RSPH14: variants seen among roughly 807,000 people sequenced by gnomAD.
RSPH14 encodes the protein radial spoke head 14 homolog, also known as rhabdoid tumor deletion region gene 1.
RSPH14 carries 20 observed loss-of-function variants against 26.7 expected under a neutral mutation model. The ratio of observed to expected loss-of-function variants is 0.75; its 90% confidence interval spans 0.53 to 1.09. RSPH14 has a LOEUF of 1.09. RSPH14 is among the 50% of genes least tolerant of loss of function. The probability of loss-of-function intolerance (pLI) is 0.00; values close to 1 mark genes in which losing one functional copy is unlikely to be tolerated. For missense variants in RSPH14, 449 were observed against 457.2 expected (o/e 0.98, Z 0.16); for synonymous variants, 177 against 189.3 (o/e 0.93, Z 0.53).
intron 4 of RSPH14, among the ~76,000 whole-genome samples, chr22:23,126,886 C>T (rs2070197012): frequency 6.6e-6 from 1 of 152,246 alleles, no homozygotes; most frequent in Admixed American, 6.5e-5. Flanking sequence ...CACGTGGTCA[C>T]CCTGGTGGTG....
chr22:23,074,033 G>A (rs980348252), intron 4 of RSPH14, among the ~76,000 whole-genome samples: 1 of 152,168 alleles, frequency 6.6e-6, no homozygotes, highest in Non-Finnish European at 1.5e-5. Context: ...GACACTCCCT[G>A]GCCCCTGGAG....
intron 3 of RSPH14, among the ~76,000 whole-genome samples, chr22:23,135,589 C>T (rs2070462917): frequency 6.6e-6 from 1 of 151,972 alleles, no homozygotes. Context: ...TGAGTTCTTG[C>T]TCTACTTTAA....
chr22:23,155,811 G>A, the RSPH14 span, among the ~76,000 whole-genome samples: 34,493 of 152,228 alleles, frequency 0.23, 4,441 homozygotes, highest in East Asian at 0.35. Flanking sequence ...GGAGCTGGGG[G>A]TAGGGACATC....
the RSPH14 span, among the ~76,000 whole-genome samples, chr22:23,150,988 G>A: frequency 6.6e-5 from 10 of 152,372 alleles, no homozygotes; most frequent in African/African-American, 2.2e-4. Context: ...CTGGCAGAGG[G>A]ATTGTGAAAT....
intron 4 of RSPH14, chr22:23,095,911 C>T (rs760179159): frequency 6.2e-7 from 1 of 1,613,710 alleles, no homozygotes; most frequent in Non-Finnish European, 8.5e-7. Flanking sequence ...ACAAGCCCCT[C>T]ATCATCTACA....
chr22:23,130,135 GAAAGAAAGAAAGAAAGAAAGAA>G (rs2070309121), intron 4 of RSPH14, among the ~76,000 whole-genome samples: 1 of 103,934 alleles, frequency 9.6e-6, no homozygotes, highest in East Asian at 2.9e-4. Flanking sequence ...AAGAAAGAAA[GAAAGAAAGAAAGAAAGAAAGAA>G]AGAAAAAGAA....
At chr22:23,153,844 C>A in the RSPH14 span, among the ~76,000 whole-genome samples, 2 of 151,804 alleles carry the variant, frequency 1.3e-5, no homozygotes, top group East Asian at 3.9e-4. Flanking sequence ...GCCCCCACAC[C>A]CAGCTAATTT....
intron 4 of RSPH14, among the ~76,000 whole-genome samples, chr22:23,120,669 C>A (rs2069992588): frequency 6.6e-6 from 1 of 152,044 alleles, no homozygotes; most frequent in Non-Finnish European, 1.5e-5. Context: ...GTCCCCTCAC[C>A]CTTGAACCCC....
At chr22:23,129,060 G>A (rs1321507827) in intron 4 of RSPH14, among the ~76,000 whole-genome samples, 2 of 152,170 alleles carry the variant, frequency 1.3e-5, no homozygotes, top group Non-Finnish European at 2.9e-5. Flanking sequence ...TACTGCCCAA[G>A]GTCACACGCT....
At chr22:23,125,649 C>T (rs1236072213) in intron 4 of RSPH14, among the ~76,000 whole-genome samples, 1 of 152,236 alleles carries the variant, frequency 6.6e-6, no homozygotes, top group Non-Finnish European at 1.5e-5. Flanking sequence ...TGTAACACCC[C>T]ACCTCAGCAG....
At chr22:23,163,885 C>T in the RSPH14 span, 8 of 152,228 alleles carry the variant, frequency 5.3e-5, no homozygotes, top group African/African-American at 1.7e-4. Flanking sequence ...CACAAGGAGC[C>T]TCCTTCCTGT....
intron 4 of RSPH14, among the ~76,000 whole-genome samples, chr22:23,066,446 G>C (rs1158258572): frequency 6.6e-6 from 1 of 152,184 alleles, no homozygotes; most frequent in East Asian, 1.9e-4. Context: ...AGCCAGGCGG[G>C]ACCCTCAGCC....
chr22:23,142,495 A>T (rs763809800), upstream of RSPH14, among the ~76,000 whole-genome samples: 2 of 152,036 alleles, frequency 1.3e-5, no homozygotes, highest in Non-Finnish European at 2.9e-5. Context: ...CCGCCATCAC[A>T]CCCAGCTAAT....
At chr22:23,125,948 C>T (rs546307617) in intron 4 of RSPH14, among the ~76,000 whole-genome samples, 19 of 152,320 alleles carry the variant, frequency 1.2e-4, no homozygotes, top group Admixed American at 3.3e-4. Flanking sequence ...TGCACACACG[C>T]GCAGATACGC....
chr22:23,071,398 T>G lies in RSPH14; in HGVS notation c.422-7265A>C, dbSNP rs2068370342. On this transcript the variant is annotated intron_variant, in intron 4 of 6. Coordinates refer to ENST00000216036, the MANE Select transcript of RSPH14 (RefSeq NM_014433.3). This position sits in a 1 kb window ranked among gnomAD's most constrained non-coding sequence, Gnocchi z 4.1. ...AGGATGATGCCAAGCGAGACCAGCG[T>G]TCCGCGTAGTCCGTGTTGGGGTGGA... Among the ~76,000 whole-genome samples the G allele has an allele frequency of 6.6e-6, 1 of 152,198 alleles. No individual in the cohort carries two copies. Among genetic ancestry groups the G allele is most frequent in the African/African-American group, 2.4e-5 (1 of 41,456 alleles).
At chr22:23,063,213 G>A (rs1004496095) in intron 5 of RSPH14, among the ~76,000 whole-genome samples, 47 of 152,212 alleles carry the variant, frequency 3.1e-4, no homozygotes, top group African/African-American at 1.0e-3. Context: ...GCTTGGGTCC[G>A]GGGCCCCACT....
chr22:23,108,685 A>G (rs756003641), intron 4 of RSPH14, among the ~76,000 whole-genome samples: 9 of 152,226 alleles, frequency 5.9e-5, no homozygotes, highest in Non-Finnish European at 1.2e-4. Context: ...CCTGCATGCA[A>G]TGTCCCAGGG....
At chr22:23,103,849 G>A (rs1192259839) in intron 4 of RSPH14, among the ~76,000 whole-genome samples, 4 of 152,158 alleles carry the variant, frequency 2.6e-5, no homozygotes, top group African/African-American at 9.7e-5. Flanking sequence ...GAGGACCTGT[G>A]TAGCCAGGGC....
chr22:23,074,495 C>T (rs1298084204), intron 4 of RSPH14, among the ~76,000 whole-genome samples: 2 of 152,194 alleles, frequency 1.3e-5, no homozygotes, highest in East Asian at 3.9e-4. Context: ...GGGTCTGAGA[C>T]CTGGAGAGCC....
Sources: gnomAD v4.1 joint callset for allele counts (sites outside exome capture counted in the v4.1 genomes callset) on GRCh38, gnomAD v4.1.1 for gene constraint, Gnocchi (gnomAD v3.1) non-coding constraint, MANE v1.5 for transcripts, NCBI Gene and HGNC (gene_info 2026-07-23, HGNC 2026-07-21) for gene names.